Variants in DTHD1 observed in about 807,000 individuals in gnomAD.
DTHD1 encodes death domain-containing protein 1.
In DTHD1, 59 loss-of-function variants were observed where a neutral mutation model predicts 74.8. That is an observed-to-expected ratio of 0.79 (90% CI 0.64 to 0.98). DTHD1 has a LOEUF of 0.98. Ranked by LOEUF, DTHD1 falls within the 50% of genes least tolerant of loss-of-function variation. DTHD1 has a pLI of 0.00. For synonymous variants in DTHD1, 365 were observed against 371.1 expected (o/e 0.98, Z 0.19); for missense variants, 1,051 against 1,065.4 (o/e 0.99, Z 0.19).
At chr4:36,325,877 T>A (rs1015713626) in intron 8 of DTHD1, among the ~76,000 whole-genome samples, 1 of 152,220 alleles carries the variant, frequency 6.6e-6, no homozygotes, top group Non-Finnish European at 1.5e-5. Flanking sequence ...CTATCACTAG[T>A]TCCCTTATCT....
At chr4:36,314,752 T>G (rs890844115) in intron 7 of DTHD1, among the ~76,000 whole-genome samples, 16 of 128,050 alleles carry the variant, frequency 1.2e-4, no homozygotes, top group African/African-American at 4.1e-4. Context: ...TCTGAGTTTT[T>G]TTTTTTTTTT....
At position 36,314,749 on chromosome 4, in the gene DTHD1, T is replaced by A. The variant is rs1473613209; in HGVS notation, c.2096-1493T>A. ...TGACATTTCTTTAAACAATCTGAGT[T>A]TTTTTTTTTTTTTTTTTTTTTGCAT... On this transcript the variant is annotated intron_variant, in intron 7 of 9. Coordinates refer to ENST00000639862, the MANE Select transcript of DTHD1 (RefSeq NM_001170700.3). Among the ~76,000 whole-genome samples the A allele has an allele frequency of 6.6e-4, 44 of 66,694 alleles. No individual in the cohort carries two copies. In the African/African-American group the frequency reaches 0.01, roughly 16 times the overall value. 43.8% of individuals were successfully genotyped at this position (66,694 alleles called of 152,430 possible).
intron 4 of DTHD1, among the ~76,000 whole-genome samples, chr4:36,294,244 T>C (rs1463737422): frequency 6.6e-6 from 1 of 152,052 alleles, no homozygotes; most frequent in Non-Finnish European, 1.5e-5. Context: ...TCGTCTACCC[T>C]CATTCCCCTC....
chr4:36,325,124 C>G lies in DTHD1; in HGVS notation c.2340+8638C>G, dbSNP rs534958330. ...TAAGCTGGGGAAAGATTATGGAGGG[C>G]CTTTAATTCCTTACTTAGATTAACT... On this transcript the variant is annotated intron_variant, in intron 8 of 9. Transcript: ENST00000639862. Among the ~76,000 whole-genome samples, 3 of 152,202 alleles carry G rather than the reference C, an allele frequency of 2.0e-5. No individual in the cohort carries two copies. The South Asian group carries it at 6.2e-4, about 32-fold the overall frequency.
chr4:36,334,257 A>G (rs1758866923), intron 8 of DTHD1, among the ~76,000 whole-genome samples: 1 of 152,162 alleles, frequency 6.6e-6, no homozygotes, highest in South Asian at 2.1e-4. Flanking sequence ...ATCTGAGACC[A>G]GTTGAATCCA....
intron 5 of DTHD1, among the ~76,000 whole-genome samples, chr4:36,301,133 C>T (rs1297995560): frequency 2.6e-5 from 4 of 152,024 alleles, no homozygotes; most frequent in South Asian, 2.1e-4. Flanking sequence ...GGTACTTAGG[C>T]CATTTAACTG....
chr4:36,330,565 C>T (rs1004754437), intron 8 of DTHD1, among the ~76,000 whole-genome samples: 1 of 152,080 alleles, frequency 6.6e-6, no homozygotes, highest in African/African-American at 2.4e-5. Flanking sequence ...ATTCCTGGTA[C>T]ATGGCAATTA....
intron 3 of DTHD1, among the ~76,000 whole-genome samples, chr4:36,291,641 T>A (rs1483303147): frequency 1.3e-5 from 2 of 152,096 alleles, no homozygotes; most frequent in East Asian, 3.9e-4. Flanking sequence ...CCAGCCTGAC[T>A]AACATGGAGA....
In DTHD1 at chr4:36,343,603, C is replaced by G. The variant is rs369707707; in HGVS notation, c.2500C>G (p.Gln834Glu). Reference sequence around the variant, plus strand: ...TCTCCCTCTGCGCCGTAGCACCATTCAGCTCATCAAACTCAAGAACCCTGA... The same window carrying G: ...TCTCCCTCTGCGCCGTAGCACCATTGAGCTCATCAAACTCAAGAACCCTGA... ...STLPLRRSTI[Q>E]LIKLKNPDDL... Residue 834 changes from glutamine (Q) to glutamate (E), a missense_variant, in exon 10 of 10, where the codon CAG becomes GAG. Gln to Glu is a conservative substitution (Grantham distance 29). Transcript: ENST00000639862. The G allele has an allele frequency of 2.6e-6, 4 of 1,551,546 alleles. No homozygotes were observed. The highest frequency in any genetic ancestry group is 3.5e-6 in the Non-Finnish European group (4 of 1,146,950).
chr4:36,341,660 G>T (rs1759319508), intron 9 of DTHD1, among the ~76,000 whole-genome samples: 1 of 152,168 alleles, frequency 6.6e-6, no homozygotes, highest in Non-Finnish European at 1.5e-5. Context: ...ACCTCAGGCA[G>T]CCCAGGTAAC....
chr4:36,305,790 A>T (rs6853429), intron 5 of DTHD1, among the ~76,000 whole-genome samples: 2,111 of 152,280 alleles, frequency 0.014, 41 homozygotes, highest in African/African-American at 0.048. Flanking sequence ...ATCTGGGTTT[A>T]CATCAGCGAG....
At chr4:36,308,644 AC>A (rs1362321614) in intron 7 of DTHD1, among the ~76,000 whole-genome samples, 151 bp downstream of exon 7, 2 of 152,194 alleles carry the variant, frequency 1.3e-5, no homozygotes, top group African/African-American at 4.8e-5. Flanking sequence ...TATTTATTAT[AC>A]TTTTTTTGTT....
At position 36,316,521 on chromosome 4, in the gene DTHD1, G is replaced by T. The variant is rs541607870; in HGVS notation, c.2340+35G>T. On this transcript the variant is annotated intron_variant, in intron 8 of 9. Coordinates refer to ENST00000639862, the MANE Select transcript of DTHD1 (RefSeq NM_001170700.3). ...TTTACTTTTCTAATTACTACATTTTGTTAATTATTTATAATTCTGTAACAC... is the reference window on the plus strand; with the variant it reads ...TTTACTTTTCTAATTACTACATTTTTTTAATTATTTATAATTCTGTAACAC... The T allele has an allele frequency of 6.3e-5, 95 of 1,516,058 alleles. 1 individual carries two copies. The South Asian group carries it at 7.6e-4, about 12-fold the overall frequency. The allele number at this position is 1,516,058 out of a possible 1,614,324, so 93.9% of individuals were successfully genotyped here.
Position 36,306,352 on chromosome 4 carries a change from G to C in DTHD1, c.1805G>C (p.Arg602Thr), listed in dbSNP as rs777323018. ...GTTGAATTGTATGAACATTTGGAGA[G>C]GTAATACCATCAAAAACAATCAAAG... ...VSVELYEHLE[R>T]FIVLHLSSTM... The change falls in exon 6 of 10, where the codon AGG becomes ACG. Residue 602 changes from arginine (R) to threonine (T), a missense_variant and splice_region_variant. Physicochemically the swap from Arg to Thr is moderately conservative, Grantham distance 71 (BLOSUM62 -1). Transcript: ENST00000639862. 3 of 1,529,952 alleles carry C rather than the reference G, an allele frequency of 2.0e-6. No homozygotes were observed. Among genetic ancestry groups the C allele is most frequent in the Non-Finnish European group, 1.8e-6 (2 of 1,134,984 alleles). 94.8% of individuals were successfully genotyped at this position (1,529,952 alleles called of 1,614,324 possible).
At chr4:36,324,371 G>A (rs1001666204) in intron 8 of DTHD1, among the ~76,000 whole-genome samples, 7 of 152,160 alleles carry the variant, frequency 4.6e-5, no homozygotes, top group East Asian at 1.9e-4. Context: ...GCACTGTATC[G>A]TTATAGGGCT....
chr4:36,328,030 G>C (rs1337111666), intron 8 of DTHD1, among the ~76,000 whole-genome samples: 1 of 149,670 alleles, frequency 6.7e-6, no homozygotes, highest in East Asian at 1.9e-4. Context: ...TTTCTAAGAA[G>C]CAAGCAACTG....
chr4:36,330,668 C>G (rs17519395), intron 8 of DTHD1, among the ~76,000 whole-genome samples: 8,134 of 152,166 alleles, frequency 0.053, 274 homozygotes, highest in South Asian at 0.15. Context: ...CATATCCTAG[C>G]CATATTACCT....
rs1759516233 is a variant in DTHD1, at chr4:36,344,973, T to TA, written c.*1149_*1150insA. The TA allele has an allele frequency of 6.6e-6, 1 of 152,158 alleles. No homozygotes were observed. Among genetic ancestry groups the TA allele is most frequent in the Non-Finnish European group, 1.5e-5 (1 of 68,024 alleles). 9.4% of individuals were successfully genotyped at this position (152,158 alleles called of 1,614,324 possible). A position where few individuals can be genotyped will look rare whatever the true frequency, so the allele number is the denominator to read the frequency against. On this transcript the variant is annotated 3_prime_UTR_variant, in exon 10 of 10. Transcript: ENST00000639862. ...AATAAATTAAAAATAGAATAACACT[T>TA]CAGCCATTTACTGGCACAGACTTTT... is the stretch of plus-strand genomic sequence containing the variant.
intron 8 of DTHD1, among the ~76,000 whole-genome samples, chr4:36,337,434 T>C (rs901466129): frequency 2.0e-5 from 3 of 152,332 alleles, no homozygotes; most frequent in Middle Eastern, 3.4e-3. Flanking sequence ...CAAAGAGTTA[T>C]GGAGGGGAAA....
Sources: gnomAD v4.1 joint callset for allele counts (sites outside exome capture counted in the v4.1 genomes callset) on GRCh38, gnomAD v4.1.1 for gene constraint, MANE v1.5 for transcripts, NCBI Gene and HGNC (gene_info 2026-07-23, HGNC 2026-07-21) for gene names.